Variants in AP3S1 observed in about 807,000 individuals in gnomAD.
AP3S1 encodes the protein adaptor related protein complex 3 subunit sigma 1.
In AP3S1, 12 loss-of-function variants were observed where a neutral mutation model predicts 21.3. The observed-to-expected ratio is 0.56, with a 90% CI of 0.36 to 0.91. The LOEUF (loss-of-function observed/expected upper bound fraction) is 0.91, where lower values mean the gene tolerates loss of function less well. Ranked by LOEUF, AP3S1 falls within the 40% of genes least tolerant of loss-of-function variation. The pLI, the probability that AP3S1 is intolerant of heterozygous loss-of-function variation, is 0.01. For missense variants in AP3S1, 116 were observed against 225.0 expected, an observed-to-expected ratio of 0.52 and a Z score of 3.10; for synonymous variants, 48 against 78.4, an observed-to-expected ratio of 0.61 and a Z score of 2.05.
intron 3 of AP3S1, among the ~76,000 whole-genome samples, chr5:115,887,277 T>G (rs1204876571): frequency 1.3e-5 from 2 of 152,192 alleles, no homozygotes; most frequent in Admixed American, 6.5e-5. Flanking sequence ...AATAATTTTT[T>G]GGCTTCAGCA....
intron 3 of AP3S1, among the ~76,000 whole-genome samples, chr5:115,882,857 C>A (rs1037543219): frequency 5.3e-5 from 8 of 152,272 alleles, no homozygotes; most frequent in African/African-American, 1.9e-4. Context: ...ATCTATAAGC[C>A]CCTGACTGGG....
rs139857974 is a variant in AP3S1, at chr5:115,861,054, C to T, written c.70-5616C>T. The stretch of plus-strand genomic sequence containing the variant: ...CATTTCAAATACAAAGCTCAGGTTC[C>T]GGTGTTAGAATTCAGACTACTACAA... On this transcript the variant is annotated intron_variant, in intron 1 of 5. Transcript: ENST00000316788. Among the ~76,000 whole-genome samples the T allele has an allele frequency of 3.7e-4, 57 of 152,176 alleles. No individual in the cohort carries two copies. In the East Asian group the frequency reaches 0.01, roughly 28 times the overall value.
chr5:115,871,031 C>A (rs1316209118), intron 3 of AP3S1, among the ~76,000 whole-genome samples: 1 of 152,162 alleles, frequency 6.6e-6, no homozygotes, highest in Non-Finnish European at 1.5e-5. Flanking sequence ...AGATGAGGAA[C>A]GCCAAGTTTA....
intron 1 of AP3S1, chr5:115,842,366 C>T (rs1249367639): frequency 2.3e-5 from 10 of 430,738 alleles, no homozygotes; most frequent in Non-Finnish European, 4.0e-5. Flanking sequence ...CCTGGCTGCG[C>T]GGGCGAGGCC....
chr5:115,873,088 T>C (rs1451664415), intron 3 of AP3S1, among the ~76,000 whole-genome samples: 1 of 152,176 alleles, frequency 6.6e-6, no homozygotes, highest in African/African-American at 2.4e-5. Context: ...AAATGTGTCT[T>C]TTCCTAGAGG....
rs773329445 is a variant in AP3S1 at position 115,886,442 on chromosome 5, A to G, written c.274-8645A>G. On this transcript the variant is annotated intron_variant, in intron 3 of 5. Transcript: ENST00000316788. ...ACTCAATGTGAAGACGAAGATAAAG[A>G]TATTTATGATGAACCATTTCCACTA... Among the ~76,000 whole-genome samples, 3 of 152,278 alleles carry G rather than the reference A, an allele frequency of 2.0e-5. No individual in the cohort carries two copies. The South Asian group carries it at 6.2e-4, about 32-fold the overall frequency.
At chr5:115,844,004 G>C (rs1209231083) in intron 1 of AP3S1, among the ~76,000 whole-genome samples, 1 of 152,206 alleles carries the variant, frequency 6.6e-6, no homozygotes, top group Non-Finnish European at 1.5e-5. Context: ...ATAAAAAGAA[G>C]AATCTGGTGG....
chr5:115,875,399 C>T (rs935893964), intron 3 of AP3S1, among the ~76,000 whole-genome samples: 1 of 152,192 alleles, frequency 6.6e-6, no homozygotes, highest in Admixed American at 6.5e-5. Flanking sequence ...GATGAAGGCC[C>T]ACCCAATTAT....
At chr5:115,861,860 C>CTTTTTTTTT (rs1485174401) in intron 1 of AP3S1, among the ~76,000 whole-genome samples, 24 of 120,112 alleles carry the variant, frequency 2.0e-4, no homozygotes, top group Non-Finnish European at 2.4e-4. Context: ...ATTTTCTTTT[C>CTTTTTTTTT]TTTTCTTTTT....
At chr5:115,850,281 C>G (rs143894124) in intron 1 of AP3S1, among the ~76,000 whole-genome samples, 1 of 151,880 alleles carries the variant, frequency 6.6e-6, no homozygotes, top group Non-Finnish European at 1.5e-5. Context: ...TTGATTCTAC[C>G]GCATACATAT....
chr5:115,905,255 C>G (rs766461131), intron 5 of AP3S1, among the ~76,000 whole-genome samples: 2 of 152,124 alleles, frequency 1.3e-5, no homozygotes, highest in Non-Finnish European at 2.9e-5. Context: ...GGCAATTTTT[C>G]TTATCTATAA....
At chr5:115,895,793 G>A (rs779329096) in intron 4 of AP3S1, among the ~76,000 whole-genome samples, 1 of 152,150 alleles carries the variant, frequency 6.6e-6, no homozygotes, top group Non-Finnish European at 1.5e-5. Flanking sequence ...TATTGCAGTA[G>A]TCCAGAAGGA....
At chr5:115,908,901 T>G (rs1751875643) in intron 5 of AP3S1, 1 of 795,244 alleles carries the variant, frequency 1.3e-6, no homozygotes, top group Non-Finnish European at 1.5e-6. Context: ...AATCTGCCAT[T>G]ATTTTGTTAA....
At chr5:115,865,859 C>T (rs112798128) in intron 1 of AP3S1, among the ~76,000 whole-genome samples, 7 of 152,228 alleles carry the variant, frequency 4.6e-5, no homozygotes, top group Admixed American at 2.0e-4. Context: ...AGTGCAGTGG[C>T]GCGATCTCAG....
At chr5:115,906,722 A>G in intron 5 of AP3S1, 2 of 864,768 alleles carry the variant, frequency 2.3e-6, no homozygotes, top group South Asian at 4.7e-5. Context: ...TAAGATGGAT[A>G]AATGGGTCTG....
rs1749898090 is a variant in AP3S1 at position 115,887,473 on chromosome 5, A to G, written c.274-7614A>G. On this transcript the variant is annotated intron_variant, in intron 3 of 5. Transcript: ENST00000316788. ...AACCAATTTTTTTTTTTACTTAGAA[A>G]CTCAAAAAGGGGTCTGCCAAATAAG... is the stretch of plus-strand genomic sequence containing the variant. 3.3e-5 allele frequency among the ~76,000 whole-genome samples: 5 copies of G among 151,566 alleles called. No homozygotes were observed. In the South Asian group the frequency reaches 1.0e-3, roughly 32 times the overall value.
intron 5 of AP3S1, among the ~76,000 whole-genome samples, chr5:115,904,324 G>A (rs146493238): frequency 2.6e-5 from 4 of 152,168 alleles, no homozygotes; most frequent in African/African-American, 9.6e-5. Flanking sequence ...ATTTTACCTT[G>A]TTGGCATTTT....
At chr5:115,888,086 C>T (rs973212849) in intron 3 of AP3S1, among the ~76,000 whole-genome samples, 3 of 151,610 alleles carry the variant, frequency 2.0e-5, no homozygotes, top group Admixed American at 6.6e-5. Flanking sequence ...CTTTTGAATT[C>T]CTTGAGGACA....
At chr5:115,866,246 A>G (rs1387811426) in intron 1 of AP3S1, among the ~76,000 whole-genome samples, 6 of 152,246 alleles carry the variant, frequency 3.9e-5, no homozygotes, top group African/African-American at 1.2e-4. Context: ...GTTAAACTTA[A>G]TTGGAAGCTC....
Sources: gnomAD v4.1 joint callset for allele counts (sites outside exome capture counted in the v4.1 genomes callset) on GRCh38, gnomAD v4.1.1 for gene constraint, MANE v1.5 for transcripts, NCBI Gene and HGNC (gene_info 2026-07-23, HGNC 2026-07-21) for gene names.